The following MCU variants were observed in gnomAD, a reference collection of about 807,000 sequenced individuals.
MCU encodes the protein mitochondrial calcium uniporter, also known as calcium uniporter protein, mitochondrial.
In MCU, 12 loss-of-function variants were observed where a neutral mutation model predicts 45.2. The observed-to-expected ratio is 0.27, with a 90% CI of 0.17 to 0.43. The LOEUF (loss-of-function observed/expected upper bound fraction) is 0.43. Ranked by LOEUF, MCU falls within the 20% of genes least tolerant of loss-of-function variation. The pLI is 1.00. For missense variants in MCU, 324 were observed against 436.7 expected (o/e 0.74, Z 2.30); for synonymous variants, 160 against 165.1 (o/e 0.97, Z 0.24).
At position 72,871,444 on chromosome 10, in the gene MCU, A is replaced by G. The variant is rs900835153; in HGVS notation, c.725A>G (p.Tyr242Cys). The change falls in exon 6 of 8, where the codon TAC becomes TGC. Residue 242 changes from tyrosine (Y) to cysteine (C), a missense_variant. Tyr to Cys is a radical substitution (Grantham distance 194, BLOSUM62 -2). Coordinates refer to ENST00000373053, the MANE Select transcript of MCU (RefSeq NM_138357.3). ...TTGGTGCTATGGGGTGGCCTTGCCT[A>G]CATGGCCACACAGTTTGGCATTTTG... ...TTLVLWGGLA[Y>C]MATQFGILAR... 1 of 1,614,212 alleles carries G rather than the reference A, an allele frequency of 6.2e-7. No homozygotes were observed. Among genetic ancestry groups the G allele is most frequent in the Middle Eastern group, 1.6e-4 (1 of 6,062 alleles).
At chr10:72,805,174 TCTCTTTCC>T (rs1360890794) in intron 1 of MCU, among the ~76,000 whole-genome samples, 2 of 139,536 alleles carry the variant, frequency 1.4e-5, no homozygotes, top group Admixed American at 6.8e-5. Context: ...TCTCTCTCTC[TCTCTTTCC>T]TTCCTTCCTT....
chr10:72,730,925 A>C (rs137955857), intron 1 of MCU: 6 of 152,224 alleles, frequency 3.9e-5, no homozygotes, highest in African/African-American at 9.6e-5. Context: ...GTGAGTTCTG[A>C]TCAGCTTAAG....
intron 2 of MCU, among the ~76,000 whole-genome samples, chr10:72,835,247 G>A (rs7093820): frequency 0.45 from 68,496 of 152,054 alleles, 19,935 homozygotes; most frequent in Non-Finnish European, 0.67. Flanking sequence ...ATAAACTGGC[G>A]ACAGGATCCA....
At chr10:72,803,798 A>G (rs1182331389) in intron 1 of MCU, among the ~76,000 whole-genome samples, 3 of 151,474 alleles carry the variant, frequency 2.0e-5, no homozygotes, top group Admixed American at 2.0e-4. Flanking sequence ...ATACTTCAAT[A>G]TATTTCTCTG....
chr10:72,775,570 C>G (rs1843880732), intron 1 of MCU, among the ~76,000 whole-genome samples: 1 of 151,912 alleles, frequency 6.6e-6, no homozygotes, highest in East Asian at 1.9e-4. Flanking sequence ...CAAAAAAACT[C>G]CACAGAAGAA....
chr10:72,805,093 CTT>C lies in MCU; in HGVS notation c.151-29264_151-29263del, dbSNP rs1359786196. 8.0e-4 allele frequency among the ~76,000 whole-genome samples: 114 copies of C among 143,316 alleles called. 1 individual carries two copies. The highest frequency in any genetic ancestry group is 3.6e-3 in the Middle Eastern group (1 of 274). The allele number at this position is 143,316 out of a possible 152,430, so 94.0% of individuals were successfully genotyped here. On this transcript the variant is annotated intron_variant, in intron 1 of 7. Coordinates refer to ENST00000373053, the MANE Select transcript of MCU (RefSeq NM_138357.3). ...CCCTAGTTTGTTTCTTTCTTTCTTT[CTT>C]TCTTTCTCTTTCTTTCTTTCTTTCT...
At position 72,707,647 on chromosome 10, in the gene MCU, G is replaced by GTGTGTGTGTGTGTGTGTGTGTGTGTA. The variant is rs71021526; in HGVS notation, c.150+15347_150+15348insGTGTGTGTGTGTGTGTGTGTGTGTAT. ...TGTGTGTGTGTGTGTGTGTGTGTGTGTTTCCCACCAAAACAAAAGTAATTG... is the reference window on the plus strand; with the variant it reads ...TGTGTGTGTGTGTGTGTGTGTGTGTGTGTGTGTGTGTGTGTGTGTGTGTGTATTTCCCACCAAAACAAAAGTAATTG... On this transcript the variant is annotated intron_variant, in intron 1 of 7. Transcript: ENST00000373053. Among the ~76,000 whole-genome samples the GTGTGTGTGTGTGTGTGTGTGTGTGTA allele has an allele frequency of 1.8e-4, 26 of 147,014 alleles. 2 individuals carry two copies. The highest frequency in any genetic ancestry group is 6.8e-4 in the African/African-American group (26 of 38,310).
intron 2 of MCU, among the ~76,000 whole-genome samples, chr10:72,846,432 TC>T (rs1372220664): frequency 6.6e-6 from 1 of 152,198 alleles, no homozygotes; most frequent in Non-Finnish European, 1.5e-5. Flanking sequence ...ATGTGAATCA[TC>T]CCTTTGTTCC....
chr10:72,825,861 C>T (rs975816305), intron 1 of MCU, among the ~76,000 whole-genome samples: 2 of 152,040 alleles, frequency 1.3e-5, no homozygotes, highest in Non-Finnish European at 2.9e-5. Context: ...TTGTATAACC[C>T]GTGCATTTTA....
At chr10:72,760,940 T>C (rs549982055) in intron 1 of MCU, among the ~76,000 whole-genome samples, 29 of 152,208 alleles carry the variant, frequency 1.9e-4, no homozygotes, top group African/African-American at 6.7e-4. Flanking sequence ...AATTCAAACA[T>C]AGTCTCTCAG....
intron 2 of MCU, among the ~76,000 whole-genome samples, chr10:72,858,642 G>T (rs1022070249): frequency 5.9e-5 from 9 of 152,252 alleles, no homozygotes; most frequent in African/African-American, 2.2e-4. Context: ...CCAAGAGGGG[G>T]TCCATTCAGT....
At chr10:72,758,489 G>C (rs1292394580) in intron 1 of MCU, among the ~76,000 whole-genome samples, 3 of 152,160 alleles carry the variant, frequency 2.0e-5, no homozygotes, top group African/African-American at 7.2e-5. Context: ...AGAATTGATG[G>C]TGTATGTATG....
intron 1 of MCU, among the ~76,000 whole-genome samples, chr10:72,736,011 T>C (rs140870534): frequency 2.6e-4 from 40 of 152,356 alleles, no homozygotes; most frequent in Non-Finnish European, 5.0e-4. Context: ...AAAACAGTTG[T>C]AAACACTTGT....
intron 1 of MCU, among the ~76,000 whole-genome samples, chr10:72,745,558 A>G (rs11000406): frequency 1.3e-5 from 2 of 152,172 alleles, no homozygotes; most frequent in Admixed American, 6.5e-5. Context: ...ATAAATAGCT[A>G]CTATAGCATG....
intron 4 of MCU, among the ~76,000 whole-genome samples, chr10:72,865,944 T>G (rs1254510067): frequency 6.7e-6 from 1 of 149,148 alleles, no homozygotes; most frequent in Non-Finnish European, 1.5e-5. Flanking sequence ...GCCTGGCTAA[T>G]TTTTTTGTAT....
intron 1 of MCU, among the ~76,000 whole-genome samples, chr10:72,738,962 A>G (rs556977258): frequency 7.2e-5 from 11 of 152,038 alleles, no homozygotes; most frequent in Admixed American, 5.2e-4. Context: ...TGTTTTTACT[A>G]TTATTAGGAC....
At chr10:72,696,035 G>A (rs944242614) in intron 1 of MCU, among the ~76,000 whole-genome samples, 7 of 150,856 alleles carry the variant, frequency 4.6e-5, no homozygotes, top group Non-Finnish European at 7.4e-5. Flanking sequence ...GGTGGCAGGC[G>A]CCTGTAGTCC....
chr10:72,789,593 A>G (rs1055499881), intron 1 of MCU, among the ~76,000 whole-genome samples: 5 of 152,138 alleles, frequency 3.3e-5, no homozygotes, highest in Non-Finnish European at 7.4e-5. Context: ...ACATCCAGAT[A>G]AAAAAGGTCA....
At chr10:72,712,313 C>T (rs543114509) in intron 1 of MCU, 3 of 152,198 alleles carry the variant, frequency 2.0e-5, no homozygotes, top group East Asian at 1.9e-4. Flanking sequence ...CTTTGTACTT[C>T]CTGAGAGAAG....
Sources: allele counts gnomAD v4.1 joint callset (sites outside exome capture counted in the v4.1 genomes callset), GRCh38; gene constraint gnomAD v4.1.1; transcripts MANE v1.5; gene names NCBI Gene and HGNC (gene_info 2026-07-23, HGNC 2026-07-21).